The following WDR27 variants were observed in gnomAD, a reference collection of about 807,000 sequenced individuals.
The protein encoded by WDR27 is WD repeat-containing protein 27.
Under a neutral mutation model 114.4 loss-of-function variants are expected in WDR27, and 100 were observed. The observed-to-expected ratio is 0.87, with a 90% CI of 0.74 to 1.03. WDR27 has a LOEUF of 1.03. WDR27 is among the 50% of genes least tolerant of loss of function. The pLI is 0.00. For synonymous variants in WDR27, 449 were observed against 423.1 expected (o/e 1.06, Z -0.75); for missense variants, 1,129 against 1,092.9 (o/e 1.03, Z -0.47).
At chr6:169,623,166 C>G (rs1042708238) in intron 21 of WDR27, among the ~76,000 whole-genome samples, 4 of 152,084 alleles carry the variant, frequency 2.6e-5, no homozygotes, top group Admixed American at 6.5e-5. Context: ...GGTACCCCAC[C>G]CGATCAATAA....
At chr6:169,570,068 A>G (rs73790024) in intron 25 of WDR27, among the ~76,000 whole-genome samples, 2,464 of 152,242 alleles carry the variant, frequency 0.016, 63 homozygotes, top group African/African-American at 0.057. Context: ...ACGGAATGCC[A>G]TTACCTCCTC....
At chr6:169,631,426 T>TG (rs377564169) in intron 21 of WDR27, among the ~76,000 whole-genome samples, 44 of 145,080 alleles carry the variant, frequency 3.0e-4, no homozygotes, top group African/African-American at 8.0e-4. Flanking sequence ...GGTGGTGGGG[T>TG]GGGGGGGTGG....
At chr6:169,499,885 T>G (rs1284423276) in intron 25 of WDR27, among the ~76,000 whole-genome samples, 1 of 152,170 alleles carries the variant, frequency 6.6e-6, no homozygotes, top group Admixed American at 6.5e-5. Context: ...CCCATGCATG[T>G]TCAATCGTGC....
At chr6:169,483,484 C>T (rs1171011078) in intron 25 of WDR27, among the ~76,000 whole-genome samples, 1 of 152,094 alleles carries the variant, frequency 6.6e-6, no homozygotes, top group Non-Finnish European at 1.5e-5. Context: ...AGAATCTGAA[C>T]CAATAACAAG....
intron 25 of WDR27, among the ~76,000 whole-genome samples, chr6:169,548,963 CAT>C (rs964561837): frequency 3.3e-5 from 5 of 152,076 alleles, no homozygotes; most frequent in African/African-American, 4.8e-5. Context: ...TAGAAGATAA[CAT>C]AGAAGAAAAC....
chr6:169,530,132 A>T (rs1795416501), intron 25 of WDR27, among the ~76,000 whole-genome samples: 1 of 152,230 alleles, frequency 6.6e-6, no homozygotes, highest in South Asian at 2.1e-4. Context: ...AAGCTCTGCC[A>T]GACCATCAGG....
chr6:169,633,049 GC>G lies in WDR27; in HGVS notation c.2120del (p.Gly707AlafsTer19). On this transcript the variant is annotated frameshift_variant, in exon 21 of 26. Coordinates refer to ENST00000448612, the MANE Select transcript of WDR27 (RefSeq NM_182552.5). LOFTEE classifies it high-confidence loss of function. ...DFYSHIVLAA[G>X]RNRTVEVFDL... ...CAAACACTTCCACGGTCCTGTTCCG[GC>G]CAGCTGCGAGTACGATGTCTGCGAT... 6.3e-7 allele frequency: 1 copy of G among 1,586,220 alleles called. No homozygotes were observed. Among genetic ancestry groups the G allele is most frequent in the Non-Finnish European group, 8.6e-7 (1 of 1,158,002 alleles).
chr6:169,513,014 C>T (rs934764395), intron 25 of WDR27, among the ~76,000 whole-genome samples: 6 of 152,282 alleles, frequency 3.9e-5, no homozygotes, highest in East Asian at 1.9e-4. Context: ...TTTTTCTAAA[C>T]GTTCCAGTTA....
chr6:169,465,423 T>A (rs1161779532), intron 25 of WDR27, among the ~76,000 whole-genome samples: 2 of 152,308 alleles, frequency 1.3e-5, no homozygotes, highest in Admixed American at 1.3e-4. Flanking sequence ...TGGAGAAAGT[T>A]AAACTTTTGT....
chr6:169,587,211 TTTC>T (rs1413750252), intron 23 of WDR27, among the ~76,000 whole-genome samples: 86 of 138,866 alleles, frequency 6.2e-4, no homozygotes, highest in African/African-American at 2.0e-3. Flanking sequence ...CCTCAAGGAT[TTTC>T]TTTTTTTTTT....
chr6:169,649,451 C>G (rs559362253), intron 14 of WDR27, among the ~76,000 whole-genome samples, 176 bp from the exon 15 acceptor site: 1 of 152,188 alleles, frequency 6.6e-6, no homozygotes, highest in South Asian at 2.1e-4. Context: ...CCTCCTGTGT[C>G]TCTCATGCTA....
chr6:169,580,207 T>C (rs1803143124), intron 24 of WDR27, among the ~76,000 whole-genome samples: 1 of 152,242 alleles, frequency 6.6e-6, no homozygotes, highest in Non-Finnish European at 1.5e-5. Flanking sequence ...CTATCTTTCC[T>C]TCAAAACAGC....
At chr6:169,696,964 G>T (rs142756510) in intron 1 of WDR27, among the ~76,000 whole-genome samples, 1 of 152,106 alleles carries the variant, frequency 6.6e-6, no homozygotes, top group Non-Finnish European at 1.5e-5. Flanking sequence ...GACACCCAAC[G>T]TCTGATATCA....
At chr6:169,668,308 A>G in intron 4 of WDR27, 123 bp from the exon 5 acceptor site, 2 of 962,220 alleles carry the variant, frequency 2.1e-6, no homozygotes, top group Non-Finnish European at 3.1e-6. Context: ...CAGTCTCAGC[A>G]GTGTTAAAAG....
rs1816803234 is a variant in WDR27 at position 169,633,050 on chromosome 6, C to A, written c.2120G>T (p.Gly707Val). 2.5e-6 allele frequency: 4 copies of A among 1,585,770 alleles called. No homozygotes were observed. The highest frequency in any genetic ancestry group is 2.3e-5 in the South Asian group (2 of 88,854). ...AAACACTTCCACGGTCCTGTTCCGG[C>A]CAGCTGCGAGTACGATGTCTGCGAT... ...DFYSHIVLAAGRNRTVEVFDL... is the reference protein window; with the variant it reads ...DFYSHIVLAAVRNRTVEVFDL... The change falls in exon 21 of 26, where the codon GGC becomes GTC. Residue 707 changes from glycine (G) to valine (V), a missense_variant. By Grantham distance (109) the Gly-to-Val change is moderately radical (BLOSUM62 -3). Coordinates refer to ENST00000448612, the MANE Select transcript of WDR27 (RefSeq NM_182552.5).
chr6:169,487,679 A>C (rs1387685201), intron 25 of WDR27, among the ~76,000 whole-genome samples: 1 of 152,206 alleles, frequency 6.6e-6, no homozygotes, highest in Non-Finnish European at 1.5e-5. Flanking sequence ...TTTTAAAAAT[A>C]TGGCACTGTA....
At chr6:169,643,845 C>A in intron 16 of WDR27, 59 bp from the exon 17 acceptor site, 1 of 1,400,786 alleles carries the variant, frequency 7.1e-7, no homozygotes, top group Non-Finnish European at 9.8e-7. Context: ...AGGAGTCACA[C>A]TGTAGAAAAG....
intron 2 of WDR27, among the ~76,000 whole-genome samples, chr6:169,672,805 GGAGT>G (rs528897969): frequency 1.6e-4 from 24 of 152,336 alleles, no homozygotes; most frequent in African/African-American, 5.8e-4. Flanking sequence ...GACAAGCAAA[GGAGT>G]GAGAGGAGGC....
At chr6:169,675,246 T>A (rs1349676232) in intron 2 of WDR27, among the ~76,000 whole-genome samples, 1 of 152,088 alleles carries the variant, frequency 6.6e-6, no homozygotes, top group African/African-American at 2.4e-5. Flanking sequence ...ATCCTCACCA[T>A]GGTGAGTTCT....
Sources: gnomAD v4.1 joint callset for allele counts (sites outside exome capture counted in the v4.1 genomes callset) on GRCh38, gnomAD v4.1.1 for gene constraint, MANE v1.5 for transcripts, NCBI Gene and HGNC (gene_info 2026-07-23, HGNC 2026-07-21) for gene names.